Variants in TGM7 observed in about 807,000 individuals in gnomAD.
TGM7 encodes the protein transglutaminase 7.
TGM7 carries 74 observed loss-of-function variants against 79.5 expected under a neutral mutation model. The ratio of observed to expected loss-of-function variants is 0.93; its 90% confidence interval spans 0.77 to 1.13. The LOEUF (loss-of-function observed/expected upper bound fraction) is 1.13, where lower values mean the gene tolerates loss of function less well. Among genes scored for constraint, TGM7 ranks in the 50% most tolerant of loss-of-function variants. The pLI is 0.00. For synonymous variants in TGM7, 354 were observed against 362.5 expected (o/e 0.98, Z 0.27); for missense variants, 912 against 905.9 (o/e 1.01, Z -0.09).
chr15:43,280,606 A>G (rs918512475), intron 9 of TGM7, among the ~76,000 whole-genome samples: 1 of 151,940 alleles, frequency 6.6e-6, no homozygotes. Flanking sequence ...CTGGGCAACA[A>G]GAGTGAAACT....
At chr15:43,292,622 G>A (rs1333909070) in intron 3 of TGM7, 87 bp downstream of exon 3, 5 of 1,532,958 alleles carry the variant, frequency 3.3e-6, no homozygotes, top group Non-Finnish European at 4.4e-6. Context: ...GCTATGTGGC[G>A]ATTTATTTTC....
At chr15:43,291,276 T>C (rs930142789) in intron 4 of TGM7, among the ~76,000 whole-genome samples, 3 of 152,166 alleles carry the variant, frequency 2.0e-5, no homozygotes, top group African/African-American at 7.2e-5. Context: ...AGCATGAAGG[T>C]TGTTGAATTT....
chr15:43,300,079 G>A (rs1278138107), intron 1 of TGM7, among the ~76,000 whole-genome samples: 1 of 152,098 alleles, frequency 6.6e-6, no homozygotes, highest in African/African-American at 2.4e-5. Context: ...GACAGCCCCT[G>A]CCCCTTCCCT....
intron 1 of TGM7, among the ~76,000 whole-genome samples, chr15:43,301,435 GCCT>G (rs2043024796): frequency 6.6e-6 from 1 of 151,490 alleles, no homozygotes; most frequent in Non-Finnish European, 1.5e-5. Context: ...TTCAAGACCA[GCCT>G]GGCCAACATG....
intron 6 of TGM7, among the ~76,000 whole-genome samples, chr15:43,285,705 T>G (rs889995789): frequency 8.5e-5 from 13 of 152,086 alleles, no homozygotes; most frequent in Admixed American, 6.5e-5. Flanking sequence ...TAAGAGGAAA[T>G]CACAGTCAGC....
At chr15:43,289,125 ATATG>A (rs2042951783) in intron 4 of TGM7, among the ~76,000 whole-genome samples, 1 of 151,686 alleles carries the variant, frequency 6.6e-6, no homozygotes, top group South Asian at 2.1e-4. Context: ...GGTTAGTTAC[ATATG>A]TATACATGTG....
Position 43,284,274 on chromosome 15 carries a change from G to A in TGM7, c.1004+540C>T, listed in dbSNP as rs143299014. Among the ~76,000 whole-genome samples, 577 of 152,222 alleles carry A rather than the reference G, an allele frequency of 3.8e-3. 3 individuals carry two copies. Among genetic ancestry groups the A allele is most frequent in the African/African-American group, 0.013 (544 of 41,526 alleles). On this transcript the variant is annotated intron_variant, in intron 7 of 12. Coordinates refer to ENST00000452443, the MANE Select transcript of TGM7 (RefSeq NM_052955.3). ...AAGAGAAACAGGAAACCAGATTTGC[G>A]GGTAGAGCTGAGAACAAAGGAACCA...
intron 2 of TGM7, 97 bp downstream of exon 2, chr15:43,293,352 G>T: frequency 1.4e-6 from 2 of 1,423,138 alleles, no homozygotes; most frequent in Non-Finnish European, 9.5e-7. Flanking sequence ...AAAGTGGAGG[G>T]CAGCTCAGGT....
chr15:43,284,808 T>A lies in TGM7; in HGVS notation c.1004+6A>T. 1 of 1,614,174 alleles carries A rather than the reference T, an allele frequency of 6.2e-7. No homozygotes were observed. On this transcript the variant is annotated splice_donor_region_variant and intron_variant, in intron 7 of 12. Transcript: ENST00000452443. ...GCAGAGATCTGTTCAAGACAGTGCC[T>A]CTCACCATATTTTGTCTCGTTTCTG...
At position 43,296,253 on chromosome 15, in the gene TGM7, T is replaced by A. The variant is rs536292269; in HGVS notation, c.11-2622A>T. On this transcript the variant is annotated intron_variant, in intron 1 of 12. Transcript: ENST00000452443. ...ATCCTGGCTAACATGGTGAAACCCC[T>A]TCTCTACTAAAGATACAAAAAATTA... 1.9e-4 allele frequency among the ~76,000 whole-genome samples: 29 copies of A among 152,004 alleles called. 1 individual carries two copies. Among genetic ancestry groups the A allele is most frequent in the South Asian group, 1.2e-3 (6 of 4,810 alleles).
At chr15:43,292,150 G>T in intron 3 of TGM7, 53 bp from the exon 4 acceptor site, 1 of 1,260,728 alleles carries the variant, frequency 7.9e-7, no homozygotes, top group Non-Finnish European at 1.2e-6. Context: ...AAAAAACAGA[G>T]TATTAAATTA....
At chr15:43,282,864 C>A (rs911822574) in intron 7 of TGM7, among the ~76,000 whole-genome samples, 1 of 152,116 alleles carries the variant, frequency 6.6e-6, no homozygotes, top group African/African-American at 2.4e-5. Context: ...TCCTGGCTAA[C>A]ACAGTGAAAC....
Position 43,282,578 on chromosome 15 carries a change from A to G in TGM7, c.1047T>C (p.Asp349=), listed in dbSNP as rs778505248. The G allele has an allele frequency of 4.4e-6, 7 of 1,602,112 alleles. No homozygotes were observed. The South Asian group carries it at 7.9e-5, about 18-fold the overall frequency. Residue 349 remains aspartate (D), a synonymous_variant, in exon 8 of 13, where the codon GAT becomes GAC. Transcript: ENST00000452443. ...GCCACCCGTTGTATCCTGGTGGGAGATCTTTCCGGATCATCCAGCACTCAT... is the reference window on the plus strand; with the variant it reads ...GCCACCCGTTGTATCCTGGTGGGAGGTCTTTCCGGATCATCCAGCACTCAT... The part of the protein sequence containing the change: ...VWNECWMIRK[D]LPPGYNGWQV...
At chr15:43,285,271 T>C (rs556654921) in intron 6 of TGM7, among the ~76,000 whole-genome samples, 1 of 152,194 alleles carries the variant, frequency 6.6e-6, no homozygotes, top group Admixed American at 6.5e-5. Flanking sequence ...GCGCGGTGGC[T>C]TACGCCTGTA....
In TGM7 at chr15:43,284,968, T is replaced by C. The variant is rs754676421; in HGVS notation, c.866-16A>G. 2.5e-6 allele frequency: 4 copies of C among 1,613,730 alleles called. No individual in the cohort carries two copies. Among genetic ancestry groups the C allele is most frequent in the Admixed American group, 1.7e-5 (1 of 60,022 alleles). ...CATCTCATTACTAAAGAGAAAAATATAGAGAATCGCTGAGTTCATTTCAGG... is the reference window on the plus strand; with the variant it reads ...CATCTCATTACTAAAGAGAAAAATACAGAGAATCGCTGAGTTCATTTCAGG... On this transcript the variant is annotated splice_polypyrimidine_tract_variant and intron_variant, in intron 6 of 12. Transcript: ENST00000452443.
rs1566846181 is a variant in TGM7 at position 43,292,070 on chromosome 15, A to G, written c.467T>C (p.Ile156Thr). ...TCGCATGATATACTCCTGCAGCAGT[A>G]TTTCACTTGGCAGGTAGACGTCGTC... Reference protein sequence around the residue: ...PEDDVYLPSEILLQEYIMRDY... With the variant: ...PEDDVYLPSETLLQEYIMRDY... Residue 156 changes from isoleucine (I) to threonine (T), a missense_variant, in exon 4 of 13, where the codon ATA (isoleucine) becomes ACA (threonine). Coordinates refer to ENST00000452443, the MANE Select transcript of TGM7 (RefSeq NM_052955.3). The G allele has an allele frequency of 1.2e-6, 2 of 1,613,954 alleles. No homozygotes were observed. Among genetic ancestry groups the G allele is most frequent in the Non-Finnish European group, 8.5e-7 (1 of 1,179,922 alleles).
chr15:43,291,648 C>G (rs147070482), intron 4 of TGM7, among the ~76,000 whole-genome samples: 6 of 152,168 alleles, frequency 3.9e-5, no homozygotes, highest in Non-Finnish European at 8.8e-5. Flanking sequence ...AGTTTGCAAA[C>G]CCCCGGTGTT....
intron 6 of TGM7, among the ~76,000 whole-genome samples, chr15:43,285,505 C>T (rs774958031): frequency 1.3e-5 from 2 of 152,094 alleles, no homozygotes; most frequent in Non-Finnish European, 2.9e-5. Context: ...AGGTTTGTTA[C>T]GTGGGTAAAC....
intron 4 of TGM7, among the ~76,000 whole-genome samples, chr15:43,289,148 G>A (rs1224150503): frequency 6.6e-6 from 1 of 151,808 alleles, no homozygotes; most frequent in East Asian, 1.9e-4. Context: ...TGCCATGTTG[G>A]TGTGCTGCAC....
Sources: allele counts gnomAD v4.1 joint callset (sites outside exome capture counted in the v4.1 genomes callset), GRCh38; gene constraint gnomAD v4.1.1; transcripts MANE v1.5; gene names NCBI Gene and HGNC (gene_info 2026-07-23, HGNC 2026-07-21).